Variants in ARFGEF1 observed in about 807,000 individuals in gnomAD.
ARFGEF1 encodes brefeldin A-inhibited guanine nucleotide-exchange protein 1.
ARFGEF1 carries 42 observed loss-of-function variants against 231.0 expected under a neutral mutation model. The observed-to-expected ratio is 0.18, with a 90% confidence interval of 0.14 to 0.24. The LOEUF is 0.24. Among genes scored for constraint, ARFGEF1 ranks in the 10% least tolerant of loss-of-function variants. The pLI is 1.00. For synonymous variants in ARFGEF1, 710 were observed against 732.3 expected (o/e 0.97, Z 0.49); for missense variants, 1,345 against 2,192.0 (o/e 0.61, Z 7.72).
intron 22 of ARFGEF1, among the ~76,000 whole-genome samples, chr8:67,236,335 A>G (rs1193329345): frequency 3.5e-5 from 4 of 115,744 alleles, no homozygotes; most frequent in African/African-American, 1.5e-4. Flanking sequence ...AAAAAAAAAA[A>G]AAAAGATATT....
chr8:67,246,562 A>G lies in ARFGEF1; in HGVS notation c.2850+4737T>C, dbSNP rs545241682. Among the ~76,000 whole-genome samples, 31 of 150,464 alleles carry G rather than the reference A, an allele frequency of 2.1e-4. 3 individuals carry two copies. The highest frequency in any genetic ancestry group is 7.4e-4 in the African/African-American group (30 of 40,530). On this transcript the variant is annotated intron_variant, in intron 19 of 38. Transcript: ENST00000262215. ...ATTGAAAAATTTATTGAAACAAATG[A>G]TAATGAAGACACAACGTACCCAAAC...
chr8:67,192,287 C>T (rs1322091314), intron 5 of ARFGEF1, among the ~76,000 whole-genome samples: 1 of 152,052 alleles, frequency 6.6e-6, no homozygotes, highest in East Asian at 1.9e-4. Flanking sequence ...GTTGGCCAGG[C>T]TGGTCTTGAA....
At chr8:67,215,161 A>T (rs995618261) in intron 33 of ARFGEF1, among the ~76,000 whole-genome samples, 1 of 152,152 alleles carries the variant, frequency 6.6e-6, no homozygotes, top group African/African-American at 2.4e-5. Flanking sequence ...ACAGATGGAG[A>T]CGAATTCTGC....
rs185031074 is a variant in ARFGEF1 at position 67,244,230 on chromosome 8, G to A, written c.2851-3940C>T. The stretch of plus-strand genomic sequence containing the variant: ...TGCACTCCAGCCTGGGCGACAAAGC[G>A]AGACTCCACCTCAAAAAAAAAAAAA... On this transcript the variant is annotated intron_variant, in intron 19 of 38. Coordinates refer to ENST00000262215, the MANE Select transcript of ARFGEF1 (RefSeq NM_006421.5). Among the ~76,000 whole-genome samples the A allele has an allele frequency of 1.3e-3, 135 of 103,450 alleles. 1 individual carries two copies. In the East Asian group the frequency reaches 0.02, roughly 15 times the overall value. 67.9% of individuals were successfully genotyped at this position (103,450 alleles called of 152,430 possible).
At chr8:67,282,858 AAAG>A (rs1444417423) in intron 7 of ARFGEF1, among the ~76,000 whole-genome samples, 11 of 151,782 alleles carry the variant, frequency 7.2e-5, no homozygotes, top group Admixed American at 1.3e-4. Flanking sequence ...AAAAAAAAAA[AAAG>A]AAAGAAAGAA....
chr8:67,217,388 C>T (rs149829395), intron 32 of ARFGEF1, among the ~76,000 whole-genome samples: 24 of 149,860 alleles, frequency 1.6e-4, no homozygotes, highest in African/African-American at 5.1e-4. Context: ...TTACGAAATA[C>T]GAAATATAGT....
chr8:67,343,528 C>T lies in ARFGEF1; in HGVS notation c.-241G>A. ...GCCGTACCTCGAGGGCCGCGCCCGT[C>T]GGGCCTCCGCTTCTCCCGGCCCGGG... On this transcript the variant is annotated 5_prime_UTR_variant, in exon 1 of 39. Transcript: ENST00000262215. 8.5e-7 allele frequency: 1 copy of T among 1,172,042 alleles called. No homozygotes were observed. The highest frequency in any genetic ancestry group is 1.1e-6 in the Non-Finnish European group (1 of 948,210). 72.6% of individuals were successfully genotyped at this position (1,172,042 alleles called of 1,614,324 possible). A position where few individuals can be genotyped will look rare whatever the true frequency, so the allele number is the denominator to read the frequency against.
intron 34 of ARFGEF1, among the ~76,000 whole-genome samples, chr8:67,209,166 C>T (rs913637273): frequency 6.6e-6 from 1 of 152,172 alleles, no homozygotes; most frequent in African/African-American, 2.4e-5. Flanking sequence ...CTATTCATGA[C>T]AACTACAGGT....
At chr8:67,257,925 T>A (rs1489035543) in intron 16 of ARFGEF1, 109 bp from the exon 17 acceptor site, 1 of 1,196,960 alleles carries the variant, frequency 8.4e-7, no homozygotes, top group Non-Finnish European at 1.2e-6. Flanking sequence ...GTATCTCACA[T>A]TACAATTTTT....
intron 2 of ARFGEF1, among the ~76,000 whole-genome samples, chr8:67,301,750 TTA>T (rs1026098442): frequency 7.5e-4 from 114 of 152,364 alleles, no homozygotes; most frequent in African/African-American, 2.7e-3. Flanking sequence ...GTGAGTTTTT[TTA>T]GTTATTCAAT....
chr8:67,337,848 T>TG (rs1183874320), intron 1 of ARFGEF1, among the ~76,000 whole-genome samples: 1 of 152,176 alleles, frequency 6.6e-6, no homozygotes, highest in Non-Finnish European at 1.5e-5. Flanking sequence ...CACTAGAATG[T>TG]GTGTTCTATG....
At chr8:67,302,613 T>A in intron 1 of ARFGEF1, 147 bp from the exon 2 acceptor site, 1 of 501,430 alleles carries the variant, frequency 2.0e-6, no homozygotes, top group Non-Finnish European at 3.4e-6. Flanking sequence ...TAAAATTGTT[T>A]CATCTAAATT....
At chr8:67,263,357 C>G (rs1804716130) in intron 14 of ARFGEF1, among the ~76,000 whole-genome samples, 1 of 152,172 alleles carries the variant, frequency 6.6e-6, no homozygotes, top group African/African-American at 2.4e-5. Flanking sequence ...CTAATGCACC[C>G]TTCAGGCTGC....
At chr8:67,186,074 C>T (rs1282917503) in intron 5 of ARFGEF1, among the ~76,000 whole-genome samples, 1 of 152,172 alleles carries the variant, frequency 6.6e-6, no homozygotes, top group Non-Finnish European at 1.5e-5. Context: ...GGAGGCTATT[C>T]AAGATCTCTG....
intron 9 of ARFGEF1, among the ~76,000 whole-genome samples, chr8:67,275,646 C>T (rs1390910566): frequency 1.3e-5 from 2 of 151,896 alleles, no homozygotes; most frequent in African/African-American, 4.8e-5. Context: ...CTTATTGAGC[C>T]CCTCCTATGC....
At chr8:67,219,202 G>C (rs1199009892) in intron 30 of ARFGEF1, among the ~76,000 whole-genome samples, 1 of 152,122 alleles carries the variant, frequency 6.6e-6, no homozygotes, top group Admixed American at 6.5e-5. Flanking sequence ...CCTGACCTGA[G>C]ATGATCCACC....
rs1348186212 is a variant in ARFGEF1, at chr8:67,299,085, C to G, written c.459+124G>C. The G allele has an allele frequency of 2.3e-5, 23 of 985,636 alleles. No homozygotes were observed. In the South Asian group the frequency reaches 2.5e-4, roughly 10 times the overall value. The allele number at this position is 985,636 out of a possible 1,614,324, so 61.1% of individuals were successfully genotyped here. On this transcript the variant is annotated intron_variant, in intron 4 of 38. Transcript: ENST00000262215. ...AGGCATGAGCCACTGAGCCCGGCCT[C>G]GAATAACCTGTATTATAGCTGGAAT...
rs754280738 is a variant in ARFGEF1 at position 67,228,203 on chromosome 8, A to C, written c.3421+21T>G. ...TTTAGCCCCAAGCCAGTTCCGAAGT[A>C]GAATAAATGCCCATACTTACCAATG... On this transcript the variant is annotated intron_variant, in intron 24 of 38. Coordinates refer to ENST00000262215, the MANE Select transcript of ARFGEF1 (RefSeq NM_006421.5). 4.3e-6 allele frequency: 7 copies of C among 1,609,678 alleles called. No individual in the cohort carries two copies. In the South Asian group the frequency reaches 5.5e-5, roughly 13 times the overall value.
chr8:67,285,537 C>A (rs570963766), intron 7 of ARFGEF1, among the ~76,000 whole-genome samples: 2 of 151,836 alleles, frequency 1.3e-5, no homozygotes, highest in South Asian at 2.1e-4. Context: ...CAAAAAAAAA[C>A]ACTGGGTGAA....
Sources: allele counts gnomAD v4.1 joint callset (sites outside exome capture counted in the v4.1 genomes callset), GRCh38; gene constraint gnomAD v4.1.1; transcripts MANE v1.5; gene names NCBI Gene and HGNC (gene_info 2026-07-23, HGNC 2026-07-21).